Variants in NELL2 observed in about 807,000 individuals in gnomAD.
NELL2 encodes protein kinase C-binding protein NELL2.
In NELL2, 41 loss-of-function variants were observed where a neutral mutation model predicts 109.6. The observed-to-expected ratio is 0.37, with a 90% CI of 0.29 to 0.49. The LOEUF (loss-of-function observed/expected upper bound fraction) is 0.49. Ranked by LOEUF, NELL2 falls within the 20% of genes least tolerant of loss-of-function variation. NELL2 has a pLI of 0.98. For synonymous variants in NELL2, 355 were observed against 344.7 expected, an observed-to-expected ratio of 1.03 and a Z score of -0.33; for missense variants, 900 against 1,008.3, an observed-to-expected ratio of 0.89 and a Z score of 1.45.
intron 9 of NELL2, among the ~76,000 whole-genome samples, chr12:44,743,510 T>A (rs535660226): frequency 2.9e-5 from 1 of 34,270 alleles, no homozygotes; most frequent in South Asian, 1.5e-3. Context: ...GACTAGCAAA[T>A]TGGATAGAGT....
At chr12:44,683,845 C>T (rs1392023212) in intron 12 of NELL2, among the ~76,000 whole-genome samples, 1 of 152,176 alleles carries the variant, frequency 6.6e-6, no homozygotes, top group Non-Finnish European at 1.5e-5. Context: ...AGAATTTTTG[C>T]ATCAATGTTC....
intron 19 of NELL2, among the ~76,000 whole-genome samples, chr12:44,515,696 A>G (rs934056953): frequency 6.6e-6 from 1 of 152,114 alleles, no homozygotes; most frequent in South Asian, 2.1e-4. Flanking sequence ...ATAAGCACCT[A>G]CTATCAAAAC....
At chr12:44,809,370 C>T (rs1943101415) in intron 3 of NELL2, among the ~76,000 whole-genome samples, 1 of 151,908 alleles carries the variant, frequency 6.6e-6, no homozygotes, top group South Asian at 2.1e-4. Flanking sequence ...TTTCTCTATT[C>T]TCTATTTACC....
chr12:44,744,102 C>G (rs974676871), intron 9 of NELL2, among the ~76,000 whole-genome samples: 1 of 152,184 alleles, frequency 6.6e-6, no homozygotes, highest in Admixed American at 6.5e-5. Flanking sequence ...CAAACTGTCT[C>G]TCAGACCACA....
At chr12:44,634,522 T>G (rs904607940) in intron 13 of NELL2, among the ~76,000 whole-genome samples, 2 of 152,162 alleles carry the variant, frequency 1.3e-5, no homozygotes, top group African/African-American at 4.8e-5. Context: ...TATGGCTGCA[T>G]AGTATTCCAT....
chr12:44,771,479 T>C (rs986337492), intron 9 of NELL2, among the ~76,000 whole-genome samples: 2 of 152,184 alleles, frequency 1.3e-5, no homozygotes, highest in Admixed American at 6.5e-5. Context: ...AATACGTACT[T>C]ATAGAGCTGT....
intron 9 of NELL2, among the ~76,000 whole-genome samples, chr12:44,732,025 CA>C (rs1235790389): frequency 6.6e-6 from 1 of 151,728 alleles, no homozygotes; most frequent in Non-Finnish European, 1.5e-5. Flanking sequence ...ACCAATGAGG[CA>C]AAAGACTTGT....
chr12:44,715,385 TA>T (rs1938431476), intron 9 of NELL2, among the ~76,000 whole-genome samples: 1 of 151,240 alleles, frequency 6.6e-6, no homozygotes, highest in Non-Finnish European at 1.5e-5. Context: ...TTTTAATCCA[TA>T]AAAATGCATA....
At chr12:44,678,821 A>T (rs1184924053) in intron 12 of NELL2, among the ~76,000 whole-genome samples, 1 of 152,028 alleles carries the variant, frequency 6.6e-6, no homozygotes, top group African/African-American at 2.4e-5. Context: ...AACAATAGAG[A>T]AGTTATCAGT....
intron 9 of NELL2, among the ~76,000 whole-genome samples, chr12:44,723,647 T>A (rs1003780824): frequency 6.6e-6 from 1 of 152,150 alleles, no homozygotes; most frequent in African/African-American, 2.4e-5. Context: ...TGTTTGGGGT[T>A]TTTTTAATGT....
At chr12:44,804,688 AAG>A (rs1942942338) in intron 3 of NELL2, among the ~76,000 whole-genome samples, 1 of 151,934 alleles carries the variant, frequency 6.6e-6, no homozygotes, top group African/African-American at 2.4e-5. Flanking sequence ...AAAAGACAAA[AAG>A]AGATGTATTG....
At chr12:44,641,703 T>C (rs1255377809) in intron 13 of NELL2, among the ~76,000 whole-genome samples, 1 of 140,088 alleles carries the variant, frequency 7.1e-6, no homozygotes, top group Non-Finnish European at 1.5e-5. Flanking sequence ...TTTTTTTTTT[T>C]TTTTTTTTTT....
At chr12:44,693,649 C>A (rs928469863) in intron 12 of NELL2, among the ~76,000 whole-genome samples, 1 of 152,066 alleles carries the variant, frequency 6.6e-6, no homozygotes, top group Non-Finnish European at 1.5e-5. Flanking sequence ...TAATGGTGTT[C>A]AAGTTTAGAA....
At chr12:44,607,856 G>T (rs1207288306) in intron 14 of NELL2, among the ~76,000 whole-genome samples, 1 of 152,094 alleles carries the variant, frequency 6.6e-6, no homozygotes, top group Non-Finnish European at 1.5e-5. Flanking sequence ...AGGATCAAGG[G>T]CCAAGACACT....
intron 12 of NELL2, among the ~76,000 whole-genome samples, chr12:44,679,720 C>A (rs942033105): frequency 6.6e-6 from 1 of 152,132 alleles, no homozygotes; most frequent in South Asian, 2.1e-4. Flanking sequence ...TACTAACACT[C>A]CTGGATATAA....
At chr12:44,522,345 A>T (rs1387683089) in intron 17 of NELL2, among the ~76,000 whole-genome samples, 169 bp from the exon 18 acceptor site, 1 of 152,186 alleles carries the variant, frequency 6.6e-6, no homozygotes, top group Non-Finnish European at 1.5e-5. Context: ...GCTAACACAA[A>T]GAAATTACCT....
chr12:44,859,628 G>T (rs1028438032), intron 2 of NELL2, among the ~76,000 whole-genome samples: 1 of 152,158 alleles, frequency 6.6e-6, no homozygotes, highest in Non-Finnish European at 1.5e-5. Context: ...ACCTTGGTAG[G>T]TATTGAATTA....
intron 3 of NELL2, among the ~76,000 whole-genome samples, chr12:44,786,953 T>G (rs1183040136): frequency 6.6e-6 from 1 of 152,094 alleles, no homozygotes; most frequent in Non-Finnish European, 1.5e-5. Context: ...GATGATGGGT[T>G]GATGGGTGCA....
At position 44,717,423 on chromosome 12, in the gene NELL2, A is replaced by T. The variant is rs144752239; in HGVS notation, c.995-2682T>A. Among the ~76,000 whole-genome samples, 116 of 152,270 alleles carry T rather than the reference A, an allele frequency of 7.6e-4. 1 individual carries two copies. Among genetic ancestry groups the T allele is most frequent in the Non-Finnish European group, 9.4e-4 (64 of 68,014 alleles). On this transcript the variant is annotated intron_variant, in intron 9 of 19. Transcript: ENST00000429094. The stretch of plus-strand genomic sequence containing the variant: ...TTCAAAGACGAATTTAATGTGCTTC[A>T]TGCCTCAATATTTAGTAGGGCAGAC...
Sources: gnomAD v4.1 joint callset for allele counts (sites outside exome capture counted in the v4.1 genomes callset) on GRCh38, gnomAD v4.1.1 for gene constraint, MANE v1.5 for transcripts, NCBI Gene and HGNC (gene_info 2026-07-23, HGNC 2026-07-21) for gene names.